The following PCNX2 variants were observed in gnomAD, a reference collection of about 807,000 sequenced individuals.
PCNX2 encodes the protein pecanex-like protein 2.
A neutral mutation model predicts 223.8 loss-of-function variants in PCNX2; 168 were observed. The ratio of observed to expected loss-of-function variants is 0.75; its 90% CI spans 0.66 to 0.85. The LOEUF is 0.85. Among genes scored for constraint, PCNX2 ranks in the 40% least tolerant of loss-of-function variants. The pLI is 0.00. For missense variants in PCNX2, 2,507 were observed against 2,675.5 expected, an observed-to-expected ratio of 0.94 and a Z score of 1.39; for synonymous variants, 1,006 against 1,052.6, an observed-to-expected ratio of 0.96 and a Z score of 0.86.
chr1:233,322,793 CT>C, the PCNX2 span, among the ~76,000 whole-genome samples: 135 of 152,062 alleles, frequency 8.9e-4, 1 homozygote, highest in African/African-American at 2.8e-3. Context: ...CACCCTTGAT[CT>C]CTGCATGACC....
chr1:233,217,817 C>A, intron 12 of PCNX2, 82 bp downstream of exon 12: 1 of 1,500,574 alleles, frequency 6.7e-7, no homozygotes, highest in Non-Finnish European at 9.2e-7. Context: ...ACAGACTTGG[C>A]CCTTTGACTA....
intron 12 of PCNX2, among the ~76,000 whole-genome samples, chr1:233,216,933 T>C (rs970412256): frequency 1.3e-5 from 2 of 152,148 alleles, no homozygotes; most frequent in South Asian, 4.1e-4. Context: ...CTAGAGGACA[T>C]TATTAGGTTA....
chr1:233,238,633 C>T (rs538295586), intron 8 of PCNX2, among the ~76,000 whole-genome samples: 2 of 146,040 alleles, frequency 1.4e-5, no homozygotes, highest in African/African-American at 5.1e-5. Context: ...GTCTAGGCTG[C>T]AGTAAGCCAT....
intron 32 of PCNX2, among the ~76,000 whole-genome samples, chr1:232,996,927 C>CT (rs1226495298): frequency 1.3e-5 from 2 of 152,218 alleles, no homozygotes; most frequent in Non-Finnish European, 2.9e-5. Flanking sequence ...TTCTTCAACT[C>CT]TATGTTTACT....
intron 17 of PCNX2, among the ~76,000 whole-genome samples, chr1:233,176,226 T>G (rs1397665536): frequency 6.6e-6 from 1 of 152,228 alleles, no homozygotes; most frequent in African/African-American, 2.4e-5. Context: ...TGTTTGTAAG[T>G]TGATACCAAA....
chr1:233,200,306 T>A (rs1247927978), intron 13 of PCNX2, 42 bp from the exon 14 acceptor site: 1 of 1,425,056 alleles, frequency 7.0e-7, no homozygotes, highest in East Asian at 2.5e-5. Context: ...CATGGGGAAC[T>A]GTGTTGCCAA....
intron 10 of PCNX2, among the ~76,000 whole-genome samples, chr1:233,219,351 T>C (rs1269252162): frequency 1.3e-5 from 2 of 152,010 alleles, no homozygotes; most frequent in African/African-American, 4.8e-5. Flanking sequence ...GATTATAATG[T>C]CAGAGGTGGA....
intron 17 of PCNX2, among the ~76,000 whole-genome samples, chr1:233,174,128 ATATAT>A (rs1358112687): frequency 5.5e-5 from 8 of 145,868 alleles, no homozygotes; most frequent in Middle Eastern, 3.6e-3. Flanking sequence ...ATAATAAATT[ATATAT>A]TATATGTAAT....
chr1:233,251,242 C>G (rs1207345952), intron 7 of PCNX2, among the ~76,000 whole-genome samples: 1 of 152,152 alleles, frequency 6.6e-6, no homozygotes, highest in Non-Finnish European at 1.5e-5. Flanking sequence ...CAAAAAGCAG[C>G]TTATTAAGAG....
chr1:233,136,037 CAATGAACA>C (rs1676783779), intron 20 of PCNX2, among the ~76,000 whole-genome samples: 1 of 152,202 alleles, frequency 6.6e-6, no homozygotes, highest in Non-Finnish European at 1.5e-5. Flanking sequence ...ATAAAGTCAA[CAATGAACA>C]ATCCATCTTG....
chr1:233,228,225 G>A (rs1572113807), intron 9 of PCNX2, among the ~76,000 whole-genome samples: 1 of 152,086 alleles, frequency 6.6e-6, no homozygotes, highest in Admixed American at 6.6e-5. Context: ...TAAAACCAAA[G>A]CTCCCATGCA....
At chr1:233,089,410 C>T (rs1162394637) in intron 23 of PCNX2, among the ~76,000 whole-genome samples, 1 of 152,182 alleles carries the variant, frequency 6.6e-6, no homozygotes, top group East Asian at 1.9e-4. Context: ...ATTCTCAAGA[C>T]CTTCCCCACA....
intron 8 of PCNX2, among the ~76,000 whole-genome samples, chr1:233,247,739 G>A (rs754383603): frequency 1.2e-4 from 18 of 152,034 alleles, no homozygotes; most frequent in South Asian, 8.3e-4. Flanking sequence ...TTAGCCAGGC[G>A]TGGGGGCGGG....
At position 232,984,108 on chromosome 1, in the gene PCNX2, ATTTTTTTTTTTTTT is replaced by A. The variant is rs373209360; in HGVS notation, c.*182_*195del. Reference sequence around the variant, plus strand: ...GAGGTTTTTTTGTTGTTGTTGTTTGATTTTTTTTTTTTTTTTTTTTTTTTTTTCAAAAACCTGAG... The same window carrying A: ...GAGGTTTTTTTGTTGTTGTTGTTTGATTTTTTTTTTTTTCAAAAACCTGAG... On this transcript the variant is annotated 3_prime_UTR_variant, in exon 34 of 34. Coordinates refer to ENST00000258229, the MANE Select transcript of PCNX2 (RefSeq NM_014801.4). The A allele has an allele frequency of 7.4e-5, 10 of 135,152 alleles. 1 individual carries two copies. The highest frequency in any genetic ancestry group is 6.8e-4 in the East Asian group (5 of 7,396). The allele number at this position is 135,152 out of a possible 1,614,324, so 8.4% of individuals were successfully genotyped here. A position where few individuals can be genotyped will look rare whatever the true frequency, so the allele number is the denominator to read the frequency against.
chr1:233,134,740 G>C (rs970959326), intron 21 of PCNX2: 1 of 498,694 alleles, frequency 2.0e-6, no homozygotes, highest in Non-Finnish European at 3.5e-6. Context: ...ATCTTACAAT[G>C]AGATTGTTAA....
At position 233,295,036 on chromosome 1, in the gene PCNX2, C is replaced by T. The variant is rs1339315870; in HGVS notation, c.153+290G>A. Among the ~76,000 whole-genome samples, 1 of 152,130 alleles carries T rather than the reference C, an allele frequency of 6.6e-6. No homozygotes were observed. Among genetic ancestry groups the T allele is most frequent in the Non-Finnish European group, 1.5e-5 (1 of 68,036 alleles). Reference sequence around the variant, plus strand: ...TAGAGTTACCCACCTACAAAACAGGCTGCACGCTCCCTGCCACAAGCAGAG... The same window carrying T: ...TAGAGTTACCCACCTACAAAACAGGTTGCACGCTCCCTGCCACAAGCAGAG... On this transcript the variant is annotated intron_variant, in intron 1 of 33. Transcript: ENST00000258229. This position sits in a 1 kb window ranked among gnomAD's most constrained non-coding sequence, Gnocchi z 4.1.
intron 21 of PCNX2, among the ~76,000 whole-genome samples, chr1:233,118,535 T>C (rs941879580): frequency 1.4e-5 from 2 of 143,406 alleles, no homozygotes; most frequent in East Asian, 4.0e-4. Context: ...GGTAAGTAAA[T>C]TCAGGCTTAC....
intron 9 of PCNX2, among the ~76,000 whole-genome samples, chr1:233,233,230 C>CA (rs1658175605): frequency 6.6e-6 from 1 of 152,136 alleles, no homozygotes; most frequent in East Asian, 1.9e-4. Context: ...AACTTAGTGA[C>CA]AGAGAAGTAC....
chr1:233,289,450 C>G (rs1299714413), intron 1 of PCNX2: 3 of 1,335,372 alleles, frequency 2.2e-6, no homozygotes, highest in Non-Finnish European at 3.2e-6. Flanking sequence ...CTGAACATGG[C>G]CTTCTCCTGG....
Sources: gnomAD v4.1 joint callset for allele counts (sites outside exome capture counted in the v4.1 genomes callset) on GRCh38, gnomAD v4.1.1 for gene constraint, Gnocchi (gnomAD v3.1) non-coding constraint, MANE v1.5 for transcripts, NCBI Gene and HGNC (gene_info 2026-07-23, HGNC 2026-07-21) for gene names.